The following SEL1L3 variants were observed in gnomAD, a reference collection of about 807,000 sequenced individuals.
SEL1L3 encodes the protein protein sel-1 homolog 3.
Under a neutral mutation model 142.8 loss-of-function variants are expected in SEL1L3, and 76 were observed. That is an observed-to-expected ratio of 0.53 (90% CI 0.44 to 0.64). The LOEUF is 0.64. Ranked by LOEUF, SEL1L3 falls within the 30% of genes least tolerant of loss-of-function variation. SEL1L3 has a pLI of 0.00. For synonymous variants in SEL1L3, 504 were observed against 519.6 expected (o/e 0.97, Z 0.41); for missense variants, 1,262 against 1,381.7 (o/e 0.91, Z 1.37).
At chr4:25,771,569 A>G (rs566575574) in intron 17 of SEL1L3, among the ~76,000 whole-genome samples, 246 of 152,056 alleles carry the variant, frequency 1.6e-3, no homozygotes, top group African/African-American at 5.2e-3. Flanking sequence ...TATAAGGATG[A>G]AAAAAAAATT....
intron 23 of SEL1L3, among the ~76,000 whole-genome samples, chr4:25,749,082 C>G (rs977550170): frequency 6.6e-6 from 1 of 152,152 alleles, no homozygotes; most frequent in African/African-American, 2.4e-5. Flanking sequence ...GTCAGGAGAA[C>G]TGGGTTGGAC....
At chr4:25,797,862 G>A (rs1221087112) in intron 11 of SEL1L3, among the ~76,000 whole-genome samples, 1 of 152,176 alleles carries the variant, frequency 6.6e-6, no homozygotes, top group Non-Finnish European at 1.5e-5. Flanking sequence ...CTGTCACCCT[G>A]CACACAACAC....
chr4:25,714,500 T>TTTC, the SEL1L3 span, among the ~76,000 whole-genome samples: 31 of 109,018 alleles, frequency 2.8e-4, no homozygotes, highest in East Asian at 5.0e-3. Context: ...CTTTCTTTCT[T>TTTC]TTTCTTTCTT....
intron 1 of SEL1L3, among the ~76,000 whole-genome samples, chr4:25,858,014 T>C (rs574976295): frequency 3.9e-5 from 6 of 152,354 alleles, no homozygotes; most frequent in African/African-American, 1.2e-4. Context: ...CCATCAGCCA[T>C]TCCTCATGGG....
downstream of SEL1L3, among the ~76,000 whole-genome samples, chr4:25,745,259 G>T (rs1717224115): frequency 6.6e-6 from 1 of 152,132 alleles, no homozygotes; most frequent in African/African-American, 2.4e-5. Flanking sequence ...GGTGGGCATG[G>T]TGGCACATGC....
chr4:25,835,166 C>T (rs967781929), intron 3 of SEL1L3, 31 bp downstream of exon 3: 36 of 1,611,808 alleles, frequency 2.2e-5, no homozygotes, highest in East Asian at 4.5e-5. Flanking sequence ...AAGCACCGCC[C>T]GATCAGCTCC....
chr4:25,847,381 T>C lies in SEL1L3; in HGVS notation c.646A>G (p.Lys216Glu), dbSNP rs1170035638. ...QTIPPFERPF[K>E]DHQVCLEWNM... is the part of the protein sequence containing the mutation. ...CACTCAAGGCACACTTGATGATCTT[T>C]GAAAGGGCGTTCAAAAGGCGGGATG... The change falls in exon 2 of 24, where the codon AAA becomes GAA. Residue 216 changes from lysine to glutamate, a missense_variant. Transcript: ENST00000399878. The C allele has an allele frequency of 1.9e-6, 3 of 1,614,002 alleles. No homozygotes were observed. The highest frequency in any genetic ancestry group is 2.5e-6 in the Non-Finnish European group (3 of 1,179,888).
intron 23 of SEL1L3, among the ~76,000 whole-genome samples, chr4:25,750,234 C>CAAAAAA (rs10718046): frequency 6.7e-5 from 7 of 105,086 alleles, no homozygotes; most frequent in African/African-American, 2.0e-4. Flanking sequence ...GACTCCATCT[C>CAAAAAA]AAAAAAAAAA....
chr4:25,774,972 T>C (rs1719508106), intron 17 of SEL1L3, among the ~76,000 whole-genome samples: 2 of 152,212 alleles, frequency 1.3e-5, no homozygotes, highest in South Asian at 4.1e-4. Context: ...AGGAGTGCTC[T>C]TCCTTTGGGA....
chr4:25,769,785 C>G (rs189337641), intron 17 of SEL1L3, among the ~76,000 whole-genome samples: 8 of 152,262 alleles, frequency 5.3e-5, no homozygotes, highest in Admixed American at 5.2e-4. Context: ...GCCCTCTAAC[C>G]GTAACTGGCT....
intron 2 of SEL1L3, among the ~76,000 whole-genome samples, chr4:25,840,199 A>G (rs1716079631): frequency 6.6e-6 from 1 of 152,170 alleles, no homozygotes; most frequent in Admixed American, 6.5e-5. Context: ...TGTGTGAAAA[A>G]AGTGTTTCGA....
chr4:25,860,004 A>G (rs576371834), intron 1 of SEL1L3, among the ~76,000 whole-genome samples: 1 of 152,290 alleles, frequency 6.6e-6, no homozygotes, highest in East Asian at 1.9e-4. Flanking sequence ...CCAGAAGACA[A>G]TAAGCTAGTG....
rs778249884 is a variant in SEL1L3, at chr4:25,790,551, T to C, written c.1980A>G (p.Leu660=). Residue 660 remains leucine (L), a synonymous_variant, in exon 12 of 24, where the codon CTA becomes CTG. Coordinates refer to ENST00000399878, the MANE Select transcript of SEL1L3 (RefSeq NM_015187.5). ...GTACCTTGAGTATTTCATCATCTTT[T>C]AGTCTAATTGTTTCAACATATGCCT... is the stretch of plus-strand genomic sequence containing the variant. ...GDQAYVETIR[L]KDDEILKVQT... is the part of the protein sequence containing the mutation. 2.7e-5 allele frequency: 44 copies of C among 1,611,852 alleles called. No homozygotes were observed. The highest frequency in any genetic ancestry group is 1.6e-4 in the Middle Eastern group (1 of 6,062).
chr4:25,814,091 G>A (rs958864748), intron 9 of SEL1L3, among the ~76,000 whole-genome samples: 1 of 152,136 alleles, frequency 6.6e-6, no homozygotes, highest in Admixed American at 6.5e-5. Flanking sequence ...AAAAGCTGCT[G>A]GCAGGGAAGA....
chr4:25,779,612 G>A (rs189704305), intron 15 of SEL1L3, among the ~76,000 whole-genome samples: 55 of 152,314 alleles, frequency 3.6e-4, no homozygotes, highest in Admixed American at 1.7e-3. Flanking sequence ...CCAGTAGGAA[G>A]GTGAGAATTA....
chr4:25,757,822 T>C (rs1389968148), intron 21 of SEL1L3, 32 bp from the exon 22 acceptor site: 1 of 1,513,140 alleles, frequency 6.6e-7, no homozygotes, highest in Non-Finnish European at 9.0e-7. Flanking sequence ...TCTTGACGTG[T>C]CAGCCAACTT....
intron 11 of SEL1L3, among the ~76,000 whole-genome samples, chr4:25,800,698 T>C (rs1341299578): frequency 6.6e-6 from 1 of 152,208 alleles, no homozygotes; most frequent in Non-Finnish European, 1.5e-5. Context: ...AATAAATCTA[T>C]TCCTGTAAAT....
chr4:25,780,340 AG>A (rs1241153761), intron 15 of SEL1L3, among the ~76,000 whole-genome samples: 8 of 152,166 alleles, frequency 5.3e-5, no homozygotes, highest in African/African-American at 1.7e-4. Flanking sequence ...GGCAGGATCC[AG>A]GAGGAACCTT....
chr4:25,838,224 T>G (rs1474314259), intron 2 of SEL1L3, among the ~76,000 whole-genome samples: 1 of 152,240 alleles, frequency 6.6e-6, no homozygotes, highest in African/African-American at 2.4e-5. Flanking sequence ...TTCATTTCTT[T>G]AGCTTATTTT....
Sources: gnomAD v4.1 joint callset for allele counts (sites outside exome capture counted in the v4.1 genomes callset) on GRCh38, gnomAD v4.1.1 for gene constraint, MANE v1.5 for transcripts, NCBI Gene and HGNC (gene_info 2026-07-23, HGNC 2026-07-21) for gene names.